The following MICU3 variants were observed in gnomAD, a reference collection of about 807,000 sequenced individuals.
MICU3 encodes the protein mitochondrial calcium uptake 3.
A neutral mutation model predicts 66.5 loss-of-function variants in MICU3; 62 were observed. The observed-to-expected ratio is 0.93, with a 90% CI of 0.76 to 1.15. MICU3 has a LOEUF of 1.15. MICU3 is among the 50% of genes most tolerant of loss of function. The pLI is 0.00. For missense variants in MICU3, 779 were observed against 664.4 expected (o/e 1.17, Z -1.90); for synonymous variants, 308 against 240.7 (o/e 1.28, Z -2.59).
At chr8:17,084,422 T>G (rs1821650953) in intron 5 of MICU3, among the ~76,000 whole-genome samples, 1 of 151,976 alleles carries the variant, frequency 6.6e-6, no homozygotes, top group African/African-American at 2.4e-5. Context: ...CTTTTGCAGG[T>G]TCAACATTTC....
chr8:17,057,832 GTTC>G (rs1301628068), intron 1 of MICU3, among the ~76,000 whole-genome samples: 2 of 149,124 alleles, frequency 1.3e-5, no homozygotes, highest in African/African-American at 2.4e-5. Context: ...TTTTGTTGTT[GTTC>G]TTGTTGTTGT....
chr8:17,067,252 C>A (rs1458241052), intron 2 of MICU3, among the ~76,000 whole-genome samples: 1 of 152,046 alleles, frequency 6.6e-6, no homozygotes, highest in African/African-American at 2.4e-5. Context: ...TAAACCTTGG[C>A]ATTTACTGGC....
intron 8 of MICU3, among the ~76,000 whole-genome samples, chr8:17,091,200 A>G (rs1800012530): frequency 6.6e-6 from 1 of 152,040 alleles, no homozygotes; most frequent in Non-Finnish European, 1.5e-5. Flanking sequence ...CTGTAGATGA[A>G]CTTCCAGTTG....
chr8:17,028,398 A>G (rs1226327945), intron 1 of MICU3, among the ~76,000 whole-genome samples: 1 of 152,222 alleles, frequency 6.6e-6, no homozygotes, highest in Non-Finnish European at 1.5e-5. Context: ...TATGTAGTTA[A>G]TAATACAAGG....
chr8:17,038,128 TG>T (rs1766149529), intron 1 of MICU3, among the ~76,000 whole-genome samples: 1 of 152,150 alleles, frequency 6.6e-6, no homozygotes, highest in Admixed American at 6.5e-5. Flanking sequence ...GTTAAGACTT[TG>T]GGGGACTGTT....
intron 1 of MICU3, among the ~76,000 whole-genome samples, chr8:17,031,248 A>G (rs903654612): frequency 1.4e-5 from 2 of 138,750 alleles, no homozygotes; most frequent in African/African-American, 2.8e-5. Flanking sequence ...TTTTAAACCT[A>G]TGCTGCCACT....
chr8:17,041,807 T>C (rs1338781144), intron 1 of MICU3, among the ~76,000 whole-genome samples: 1 of 152,172 alleles, frequency 6.6e-6, no homozygotes, highest in Non-Finnish European at 1.5e-5. Flanking sequence ...GGACACTATA[T>C]GTATGCTTAG....
chr8:17,079,288 C>G (rs1422529289), intron 4 of MICU3, among the ~76,000 whole-genome samples: 2 of 152,002 alleles, frequency 1.3e-5, no homozygotes, highest in Non-Finnish European at 2.9e-5. Context: ...AACTGAGGAA[C>G]TTATTTTTAG....
chr8:17,093,992 T>C (rs1336689252), intron 8 of MICU3, among the ~76,000 whole-genome samples: 1 of 152,026 alleles, frequency 6.6e-6, no homozygotes, highest in Non-Finnish European at 1.5e-5. Flanking sequence ...CCCCTTCATG[T>C]GTGTCCCCAC....
chr8:17,131,809 T>A, the MICU3 span: 2 of 152,168 alleles, frequency 1.3e-5, no homozygotes, highest in African/African-American at 4.8e-5. Flanking sequence ...TGACAAGGTT[T>A]AACACTCGGC....
At chr8:17,041,285 A>T (rs1476924656) in intron 1 of MICU3, among the ~76,000 whole-genome samples, 4 of 151,918 alleles carry the variant, frequency 2.6e-5, no homozygotes, top group Non-Finnish European at 4.4e-5. Flanking sequence ...AAAAAAAAAA[A>T]GTCAGGGGGC....
At chr8:17,105,373 T>C (rs1372402709) in intron 10 of MICU3, 40 bp from the exon 11 acceptor site, 1 of 1,268,722 alleles carries the variant, frequency 7.9e-7, no homozygotes. Flanking sequence ...CGATTACTCT[T>C]TCTTTATCTT....
At chr8:17,056,542 T>G (rs1359740838) in intron 1 of MICU3, among the ~76,000 whole-genome samples, 1 of 152,296 alleles carries the variant, frequency 6.6e-6, no homozygotes, top group East Asian at 1.9e-4. Flanking sequence ...GAATTCATGA[T>G]TGAATGGAAG....
intron 9 of MICU3, among the ~76,000 whole-genome samples, chr8:17,103,271 G>A (rs562836030): frequency 6.6e-6 from 1 of 151,934 alleles, no homozygotes; most frequent in South Asian, 2.1e-4. Context: ...GGGCTATGAG[G>A]AATTAAAGGA....
intron 1 of MICU3, chr8:17,049,616 G>T (rs2014286): frequency 1.9e-6 from 1 of 518,354 alleles, no homozygotes; most frequent in Non-Finnish European, 3.9e-6. Context: ...GCATTTGAAC[G>T]TAGGCCGGAA....
At chr8:17,109,367 A>T (rs1802004470) in intron 11 of MICU3, among the ~76,000 whole-genome samples, 1 of 152,182 alleles carries the variant, frequency 6.6e-6, no homozygotes, top group Non-Finnish European at 1.5e-5. Flanking sequence ...GAAATGGCAC[A>T]TGTACAAGGT....
chr8:17,039,243 G>A (rs1234305681), intron 1 of MICU3, among the ~76,000 whole-genome samples: 1 of 152,206 alleles, frequency 6.6e-6, no homozygotes, highest in Non-Finnish European at 1.5e-5. Flanking sequence ...TGGGAAACCA[G>A]AATATTTATG....
At chr8:17,030,595 T>C (rs1037441444) in intron 1 of MICU3, among the ~76,000 whole-genome samples, 13 of 152,248 alleles carry the variant, frequency 8.5e-5, no homozygotes, top group Admixed American at 5.9e-4. Context: ...TCTCTGATGC[T>C]GTTGAGCGTC....
rs756435760 is a variant in MICU3, at chr8:17,027,417, A to C, written c.138A>C (p.Arg46=). 6 of 1,393,740 alleles carry C rather than the reference A, an allele frequency of 4.3e-6. No individual in the cohort carries two copies. The highest frequency in any genetic ancestry group is 1.5e-5 in the African/African-American group (1 of 66,150). The allele number at this position is 1,393,740 out of a possible 1,614,324, so 86.3% of individuals were successfully genotyped here. ...TTCCTGGCCGGCCCTTCTCCTCCCG[A>C]GAGGATGAGGAGAGGGCTGTGGCGG... The part of the protein sequence containing the change: ...LGLPGRPFSS[R]EDEERAVAEA... The change falls in exon 1 of 15, where the codon CGA becomes CGC. Residue 46 remains arginine (R), a synonymous_variant. Coordinates refer to ENST00000318063, the MANE Select transcript of MICU3 (RefSeq NM_181723.3).
Sources: gnomAD v4.1 joint callset for allele counts (sites outside exome capture counted in the v4.1 genomes callset) on GRCh38, gnomAD v4.1.1 for gene constraint, MANE v1.5 for transcripts, NCBI Gene and HGNC (gene_info 2026-07-23, HGNC 2026-07-21) for gene names.